The following TREML2 variants were observed in gnomAD, a reference collection of about 807,000 sequenced individuals.
The protein encoded by TREML2 is triggering receptor expressed on myeloid cells like 2, also known as trem-like transcript 2 protein.
Under a neutral mutation model 25.9 loss-of-function variants are expected in TREML2, and 24 were observed. That is an observed-to-expected ratio of 0.93 (90% CI 0.67 to 1.30). The LOEUF is 1.30. TREML2 is among the 50% of genes most tolerant of loss of function. TREML2 has a pLI of 0.00. For synonymous variants in TREML2, 139 were observed against 155.2 expected (o/e 0.90, Z 0.77); for missense variants, 359 against 395.6 (o/e 0.91, Z 0.78).
At position 41,192,890 on chromosome 6, in the gene TREML2, A is replaced by G; in HGVS notation, c.797T>C (p.Val266Ala). The stretch of plus-strand genomic sequence containing the variant: ...CACCACCCCAAGCACAGTGGAGTAA[A>G]CATCCTGGTGCCTGAGAAGAAGGGA... The part of the protein sequence containing the change: ...PSMPSIRHQD[V>A]YSTVLGVVLT... The change falls in exon 4 of 5, where the codon GTT becomes GCT. Residue 266 changes from valine to alanine, a missense_variant. Val to Ala is a moderately conservative substitution (Grantham distance 64). Coordinates refer to ENST00000483722, the MANE Select transcript of TREML2 (RefSeq NM_024807.4). 6.3e-7 allele frequency: 1 copy of G among 1,576,574 alleles called. No homozygotes were observed. Among genetic ancestry groups the G allele is most frequent in the African/African-American group, 1.4e-5 (1 of 73,638 alleles).
In TREML2 at chr6:41,194,672, C is replaced by T; in HGVS notation, c.538G>A (p.Ala180Thr). The T allele has an allele frequency of 6.2e-7, 1 of 1,613,998 alleles. No individual in the cohort carries two copies. Among genetic ancestry groups the T allele is most frequent in the Non-Finnish European group, 8.5e-7 (1 of 1,179,962 alleles). The change falls in exon 3 of 5, where the codon GCC (alanine) becomes ACC (threonine). Residue 180 changes from alanine (A) to threonine (T), a missense_variant. Coordinates refer to ENST00000483722, the MANE Select transcript of TREML2 (RefSeq NM_024807.4). ...PGLITLPRLL[A>T]STRPASKTGY... is the part of the protein sequence containing the mutation. ...GTCTTGGAGGCAGGTCTGGTGGAGG[C>T]TAAGAGCCTAGGCAAGGTGATGAGT...
At chr6:41,198,975 G>A (rs1766227697) in intron 1 of TREML2, among the ~76,000 whole-genome samples, 1 of 152,194 alleles carries the variant, frequency 6.6e-6, no homozygotes, top group African/African-American at 2.4e-5. Context: ...CTATTCTCCT[G>A]CCTCAGCCTC....
In TREML2 at chr6:41,189,922, CCTT is replaced by C. The variant is rs1766019874; in HGVS notation, c.*2502_*2504del. 6.6e-6 allele frequency among the ~76,000 whole-genome samples: 1 copy of C among 152,202 alleles called. No individual in the cohort carries two copies. The highest frequency in any genetic ancestry group is 2.1e-4 in the South Asian group (1 of 4,830). On this transcript the variant is annotated 3_prime_UTR_variant, in exon 5 of 5. Coordinates refer to ENST00000483722, the MANE Select transcript of TREML2 (RefSeq NM_024807.4). The stretch of plus-strand genomic sequence containing the variant: ...TGAATTTCTGGTAGCTCCCTGCTGT[CCTT>C]CTAATGTACATGTGGGCCCTTGGCT...
chr6:41,198,706 T>A (rs538105607), intron 1 of TREML2, among the ~76,000 whole-genome samples: 2 of 152,324 alleles, frequency 1.3e-5, no homozygotes, highest in East Asian at 3.9e-4. Flanking sequence ...GGTATATCCC[T>A]CAGTGAGTCC....
chr6:41,201,075 T>A lies in TREML2; in HGVS notation c.-67A>T. On this transcript the variant is annotated 5_prime_UTR_variant, in exon 1 of 5. Coordinates refer to ENST00000483722, the MANE Select transcript of TREML2 (RefSeq NM_024807.4). ...GTGAGGGCCCACCCGACACAGGATGTGCCACCTGGGCCTGCCAGGGAAGGA... is the reference window on the plus strand; with the variant it reads ...GTGAGGGCCCACCCGACACAGGATGAGCCACCTGGGCCTGCCAGGGAAGGA... The A allele has an allele frequency of 6.3e-7, 1 of 1,582,098 alleles. No individual in the cohort carries two copies. The highest frequency in any genetic ancestry group is 8.7e-7 in the Non-Finnish European group (1 of 1,151,462).
chr6:41,195,037 G>A (rs1460361484), intron 2 of TREML2, among the ~76,000 whole-genome samples: 1 of 152,154 alleles, frequency 6.6e-6, no homozygotes, highest in Non-Finnish European at 1.5e-5. Context: ...AAGGAAGTAG[G>A]TGTACTGAAG....
rs2395752 is a variant in TREML2 at position 41,199,919 on chromosome 6, C to A, written c.55+1035G>T. Among the ~76,000 whole-genome samples, 753 of 152,346 alleles carry A rather than the reference C, an allele frequency of 4.9e-3. 8 individuals carry two copies. The highest frequency in any genetic ancestry group is 0.017 in the African/African-American group (720 of 41,576). On this transcript the variant is annotated intron_variant, in intron 1 of 4. Coordinates refer to ENST00000483722, the MANE Select transcript of TREML2 (RefSeq NM_024807.4). ...GTCAAGTGAGAATAGCACCACACCCCTCACAGGTTGCTGTGAGAATTCTGC... is the reference window on the plus strand; with the variant it reads ...GTCAAGTGAGAATAGCACCACACCCATCACAGGTTGCTGTGAGAATTCTGC...
chr6:41,194,692 A>C lies in TREML2; in HGVS notation c.518T>G (p.Ile173Ser). 6.2e-7 allele frequency: 1 copy of C among 1,614,052 alleles called. No homozygotes were observed. The highest frequency in any genetic ancestry group is 8.5e-7 in the Non-Finnish European group (1 of 1,179,974). ...GGAGGCTAAGAGCCTAGGCAAGGTG[A>C]TGAGTCCTGGGGTGAACACCATCAC... Reference protein sequence around the residue: ...TGVMVFTPGLITLPRLLASTR... With the variant: ...TGVMVFTPGLSTLPRLLASTR... The change falls in exon 3 of 5, where the codon ATC (isoleucine) becomes AGC (serine). Residue 173 changes from isoleucine (I) to serine (S), a missense_variant. Ile to Ser is a moderately radical substitution (Grantham distance 142). Transcript: ENST00000483722.
At position 41,191,290 on chromosome 6, in the gene TREML2, G is replaced by T. The variant is rs928045440; in HGVS notation, c.*1137C>A. ...CCAAGCCAGTGCTCTGGACAATAGA[G>T]GCTGAGTCTGAGCCCTGAGTCAGTG... On this transcript the variant is annotated 3_prime_UTR_variant, in exon 5 of 5. Coordinates refer to ENST00000483722, the MANE Select transcript of TREML2 (RefSeq NM_024807.4). 1 of 152,158 alleles carries T rather than the reference G, an allele frequency of 6.6e-6. No individual in the cohort carries two copies. The highest frequency in any genetic ancestry group is 1.5e-5 in the Non-Finnish European group (1 of 68,276). 9.4% of individuals were successfully genotyped at this position (152,158 alleles called of 1,614,324 possible).
In TREML2 at chr6:41,194,530, G is replaced by A; in HGVS notation, c.680C>T (p.Ser227Phe). Reference sequence around the variant, plus strand: ...GAGGTCCCCAGACTTAGTGGAGATGGATTCTGGGCCAGCAGAGGAGTCCCT... The same window carrying A: ...GAGGTCCCCAGACTTAGTGGAGATGAATTCTGGGCCAGCAGAGGAGTCCCT... The part of the protein sequence containing the change: ...NARDSSAGPE[S>F]ISTKSGDLST... The change falls in exon 3 of 5, where the codon TCC (serine) becomes TTC (phenylalanine). Residue 227 changes from serine (S) to phenylalanine (F), a missense_variant. By Grantham distance (155) the Ser-to-Phe change is radical. Coordinates refer to ENST00000483722, the MANE Select transcript of TREML2 (RefSeq NM_024807.4). The A allele has an allele frequency of 1.2e-6, 2 of 1,613,970 alleles. No individual in the cohort carries two copies. The highest frequency in any genetic ancestry group is 1.7e-6 in the Non-Finnish European group (2 of 1,179,974).
chr6:41,192,930 G>A, intron 3 of TREML2, 29 bp from the exon 4 acceptor site: 1 of 1,520,138 alleles, frequency 6.6e-7, no homozygotes, highest in Non-Finnish European at 8.8e-7. Context: ...GTGGAAGCGG[G>A]TGAGCACCAA....
rs1002491271 is a variant in TREML2, at chr6:41,190,813, T to C, written c.*1614A>G. ...GTCATGATAGGGAGAACAGCTATCTTAGGAGGCTGCTTGCTAGACAGAGAT... is the reference window on the plus strand; with the variant it reads ...GTCATGATAGGGAGAACAGCTATCTCAGGAGGCTGCTTGCTAGACAGAGAT... On this transcript the variant is annotated 3_prime_UTR_variant, in exon 5 of 5. Coordinates refer to ENST00000483722, the MANE Select transcript of TREML2 (RefSeq NM_024807.4). The C allele has an allele frequency of 6.6e-6, 1 of 152,394 alleles. No individual in the cohort carries two copies. The highest frequency in any genetic ancestry group is 1.5e-5 in the Non-Finnish European group (1 of 68,224). The allele number at this position is 152,394 out of a possible 1,614,324, so 9.4% of individuals were successfully genotyped here.
chr6:41,190,908 CA>C lies in TREML2; in HGVS notation c.*1518del, dbSNP rs1766045530. 6.6e-6 allele frequency: 1 copy of C among 152,124 alleles called. No individual in the cohort carries two copies. Among genetic ancestry groups the C allele is most frequent in the African/African-American group, 2.4e-5 (1 of 41,280 alleles). The allele number at this position is 152,124 out of a possible 1,614,324, so 9.4% of individuals were successfully genotyped here. A position where few individuals can be genotyped will look rare whatever the true frequency, so the allele number is the denominator to read the frequency against. ...CTGTCTGTCCTGGGTCCAGAGCCGT[CA>C]ATTCTTCAGCCTCAGTCTTCCCTCT... On this transcript the variant is annotated 3_prime_UTR_variant, in exon 5 of 5. Transcript: ENST00000483722.
intron 2 of TREML2, among the ~76,000 whole-genome samples, chr6:41,197,082 A>G (rs1582098007): frequency 6.6e-6 from 1 of 152,292 alleles, no homozygotes. Flanking sequence ...CTACCTTCAA[A>G]ACATATGAGC....
rs1766021781 is a variant in TREML2 at position 41,189,996 on chromosome 6, C to T, written c.*2431G>A. Among the ~76,000 whole-genome samples, 1 of 152,124 alleles carries T rather than the reference C, an allele frequency of 6.6e-6. No individual in the cohort carries two copies. Among genetic ancestry groups the T allele is most frequent in the Non-Finnish European group, 1.5e-5 (1 of 68,022 alleles). ...GCTTTGTTCCCCTTACTGCACATGT[C>T]AGGGGATGAAATTTTCCATTGCAGG... On this transcript the variant is annotated 3_prime_UTR_variant, in exon 5 of 5. Transcript: ENST00000483722.
At chr6:41,197,559 G>A (rs932244057) in intron 2 of TREML2, among the ~76,000 whole-genome samples, 2 of 152,072 alleles carry the variant, frequency 1.3e-5, no homozygotes, top group African/African-American at 4.8e-5. Flanking sequence ...GGTGTTCTCT[G>A]ACCCCCAGTA....
intron 2 of TREML2, among the ~76,000 whole-genome samples, chr6:41,197,661 G>A (rs1299885364): frequency 6.6e-6 from 1 of 151,322 alleles, no homozygotes; most frequent in Non-Finnish European, 1.5e-5. Flanking sequence ...AGTTTCTTAT[G>A]AACACCTCTT....
intron 4 of TREML2, 67 bp downstream of exon 4, chr6:41,192,734 G>T: frequency 6.9e-7 from 1 of 1,446,780 alleles, no homozygotes; most frequent in Non-Finnish European, 9.6e-7. Flanking sequence ...GGGACTCGAG[G>T]TCATAACCCT....
intron 3 of TREML2, among the ~76,000 whole-genome samples, chr6:41,194,024 C>T (rs890036308): frequency 6.7e-6 from 1 of 148,466 alleles, no homozygotes; most frequent in Non-Finnish European, 1.5e-5. Flanking sequence ...TGACACTTCC[C>T]CCACCTTCCT....
Sources: gnomAD v4.1 joint callset for allele counts (sites outside exome capture counted in the v4.1 genomes callset) on GRCh38, gnomAD v4.1.1 for gene constraint, MANE v1.5 for transcripts, NCBI Gene and HGNC (gene_info 2026-07-23, HGNC 2026-07-21) for gene names.